PHF1: variants seen among roughly 807,000 people sequenced by gnomAD.
The protein encoded by PHF1 is PHD finger protein 1, also known as polycomb-like 1.
A neutral mutation model predicts 69.4 loss-of-function variants in PHF1; 16 were observed. The observed-to-expected ratio is 0.23, with a 90% confidence interval of 0.16 to 0.35. PHF1 has a LOEUF of 0.35. Ranked by LOEUF, PHF1 falls within the 10% of genes least tolerant of loss-of-function variation. PHF1 has a pLI of 1.00. For missense variants in PHF1, 515 were observed against 732.8 expected, an observed-to-expected ratio of 0.70 and a Z score of 3.43; for synonymous variants, 274 against 275.0, an observed-to-expected ratio of 1.00 and a Z score of 0.04.
At chr6:33,415,461 C>G in intron 13 of PHF1, 129 bp from the exon 14 acceptor site, 9 of 1,232,406 alleles carry the variant, frequency 7.3e-6, no homozygotes, top group Non-Finnish European at 1.1e-5. Context: ...ACTTCTAGAA[C>G]TAGTGTCTGG....
chr6:33,413,995 C>G, intron 7 of PHF1, 46 bp from the exon 8 acceptor site: 2 of 1,610,176 alleles, frequency 1.2e-6, no homozygotes, highest in Non-Finnish European at 1.7e-6. Flanking sequence ...GGGGATGGCA[C>G]AGTTTTCCTG....
Position 33,416,412 on chromosome 6 carries a change from A to G in PHF1, c.*314A>G, listed in dbSNP as rs761736632. ...GATGATAAGGGATCCCGGACTCTGT[A>G]TGATTGAAATAAAGAGAAATAAACA... is the stretch of plus-strand genomic sequence containing the variant. On this transcript the variant is annotated 3_prime_UTR_variant, in exon 15 of 15. Transcript: ENST00000374516. 3.7e-6 allele frequency: 2 copies of G among 543,816 alleles called. No individual in the cohort carries two copies. The highest frequency in any genetic ancestry group is 3.3e-5 in the Admixed American group (1 of 30,358). 33.7% of individuals were successfully genotyped at this position (543,816 alleles called of 1,614,324 possible). A position where few individuals can be genotyped will look rare whatever the true frequency, so the allele number is the denominator to read the frequency against.
rs999961773 is a variant in PHF1, at chr6:33,414,191, C to T, written c.753-52C>T. ...TATGCCCCAACCTCCCACCTCAGGA[C>T]TCCCCTGGCTCTTAAAATGCCTCTG... is the stretch of plus-strand genomic sequence containing the variant. On this transcript the variant is annotated intron_variant, in intron 8 of 14. Coordinates refer to ENST00000374516, the MANE Select transcript of PHF1 (RefSeq NM_024165.3). The surrounding 1 kb of genome is among the most constrained non-coding windows in gnomAD (Gnocchi z 5.0). 2.3e-5 allele frequency: 37 copies of T among 1,613,804 alleles called. No homozygotes were observed. Among genetic ancestry groups the T allele is most frequent in the Non-Finnish European group, 3.1e-5 (36 of 1,179,826 alleles).
rs1776255530 is a variant in PHF1, at chr6:33,413,907, C to T, written c.683+76C>T. On this transcript the variant is annotated intron_variant, in intron 7 of 14. Transcript: ENST00000374516. Reference sequence around the variant, plus strand: ...GTTCCACCCTCAGTTCTCCCACGCCCTTCTCCACTCCAGTCTCTTCCCAAC... The same window carrying T: ...GTTCCACCCTCAGTTCTCCCACGCCTTTCTCCACTCCAGTCTCTTCCCAAC... 4 of 1,525,414 alleles carry T rather than the reference C, an allele frequency of 2.6e-6. No individual in the cohort carries two copies. In the East Asian group the frequency reaches 9.0e-5, roughly 34 times the overall value. 94.5% of individuals were successfully genotyped at this position (1,525,414 alleles called of 1,614,324 possible). A position where few individuals can be genotyped will look rare whatever the true frequency, so the allele number is the denominator to read the frequency against.
Position 33,412,479 on chromosome 6 carries a change from A to G in PHF1, c.160-29A>G. On this transcript the variant is annotated intron_variant, in intron 2 of 14. Transcript: ENST00000374516. This position sits in a 1 kb window ranked among gnomAD's most constrained non-coding sequence, Gnocchi z 4.2. ...GTTCCCTTATCTAATTCTGGTTCCCATTTCATCCTGTTTGCTCACCCATTC... is the reference window on the plus strand; with the variant it reads ...GTTCCCTTATCTAATTCTGGTTCCCGTTTCATCCTGTTTGCTCACCCATTC... 2 of 1,614,152 alleles carry G rather than the reference A, an allele frequency of 1.2e-6. No homozygotes were observed. Among genetic ancestry groups the G allele is most frequent in the South Asian group, 2.2e-5 (2 of 91,090 alleles).
At chr6:33,410,827 C>T (rs1277521220), upstream of PHF1, 1 of 152,172 alleles carries the variant, frequency 6.6e-6, no homozygotes, top group Non-Finnish European at 1.5e-5. Context: ...GGGTCCGACT[C>T]TTCGCTCCCC....
Position 33,415,650 on chromosome 6 carries a change from G to C in PHF1, c.1395G>C (p.Gly465=), listed in dbSNP as rs141011458. ...HPSASTAGTS[G]DSGPPDRSPL... ...CTGCCAGCACCGCAGGGACCTCTGG[G>C]GACAGTGGACCCCCAGACAGGTGAG... The change falls in exon 14 of 15, where the codon GGG becomes GGC. Residue 465 remains glycine (G), a synonymous_variant. Transcript: ENST00000374516. 70 of 1,613,874 alleles carry C rather than the reference G, an allele frequency of 4.3e-5. 1 individual carries two copies. In the African/African-American group the frequency reaches 9.0e-4, roughly 21 times the overall value.
intron 1 of PHF1, among the ~76,000 whole-genome samples, 187 bp downstream of exon 1, chr6:33,411,402 G>A (rs1215875107): frequency 6.6e-6 from 1 of 152,118 alleles, no homozygotes; most frequent in Non-Finnish European, 1.5e-5. Context: ...GGCACTCAGA[G>A]AAGTTGTCTA....
intron 7 of PHF1, 40 bp downstream of exon 7, chr6:33,413,871 T>G (rs1179782664): frequency 1.3e-6 from 2 of 1,579,914 alleles, no homozygotes; most frequent in Non-Finnish European, 1.7e-6. Context: ...AAGGATGCCC[T>G]CTTTCTTCGT....
At position 33,412,529 on chromosome 6, in the gene PHF1, T is replaced by G. The variant is rs1776152949; in HGVS notation, c.181T>G (p.Cys61Gly). ...CCAGGTGGACAGTGCTAGGGAGGTG[T>G]GTCTGGTCCAGTTTGAGGATGATTC... ...IKKVDSAREV[C>G]LVQFEDDSQF... is the part of the protein sequence containing the mutation. The change falls in exon 3 of 15, where the codon TGT (cysteine) becomes GGT (glycine). Residue 61 changes from cysteine (C) to glycine (G), a missense_variant. Cys to Gly is a radical substitution (Grantham distance 159). Around this residue, in one of 5 missense-constraint regions of PHF1, gnomAD observed 22 missense variants for 48.9 expected, o/e 0.45. Coordinates refer to ENST00000374516, the MANE Select transcript of PHF1 (RefSeq NM_024165.3). The surrounding 1 kb of genome is among the most constrained non-coding windows in gnomAD (Gnocchi z 4.2). The G allele has an allele frequency of 1.9e-6, 3 of 1,614,128 alleles. No homozygotes were observed. The highest frequency in any genetic ancestry group is 8.5e-7 in the Non-Finnish European group (1 of 1,180,046).
rs754780335 is a variant in PHF1 at position 33,412,609 on chromosome 6, A to C, written c.241+20A>C. 1.9e-5 allele frequency: 31 copies of C among 1,613,642 alleles called. No individual in the cohort carries two copies. The East Asian group carries it at 6.0e-4, about 31-fold the overall frequency. On this transcript the variant is annotated intron_variant, in intron 3 of 14. Transcript: ENST00000374516. This position sits in a 1 kb window ranked among gnomAD's most constrained non-coding sequence, Gnocchi z 4.2. ...GCCCTGGTAAGACTCTAGAGACCTG[A>C]GATTGCACATCCCATGGAAAACAAA...
At position 33,413,154 on chromosome 6, in the gene PHF1, A is replaced by G. The variant is rs372745281; in HGVS notation, c.338-42A>G. On this transcript the variant is annotated intron_variant, in intron 4 of 14. Coordinates refer to ENST00000374516, the MANE Select transcript of PHF1 (RefSeq NM_024165.3). The stretch of plus-strand genomic sequence containing the variant: ...GACTATTCCTGTCCCAATACCAAGC[A>G]CACACAGGTATGCAATAAGTGGTCT... 22 of 1,509,220 alleles carry G rather than the reference A, an allele frequency of 1.5e-5. No individual in the cohort carries two copies. The Admixed American group carries it at 2.3e-4, about 16-fold the overall frequency. The allele number at this position is 1,509,220 out of a possible 1,614,324, so 93.5% of individuals were successfully genotyped here. A position where few individuals can be genotyped will look rare whatever the true frequency, so the allele number is the denominator to read the frequency against.
chr6:33,410,719 C>G (rs566086431), upstream of PHF1: 1 of 137,708 alleles, frequency 7.3e-6, no homozygotes, highest in Non-Finnish European at 1.6e-5. Context: ...GGGCGGGGGA[C>G]CAGGCCGGAG....
Position 33,413,309 on chromosome 6 carries a change from C to G in PHF1, c.438+13C>G. On this transcript the variant is annotated intron_variant, in intron 5 of 14. Coordinates refer to ENST00000374516, the MANE Select transcript of PHF1 (RefSeq NM_024165.3). ...GATCGCCACCAAGGTAAAGGCACTT[C>G]CCTGTTACCCTTCCTGTGGGAGCCT... The G allele has an allele frequency of 6.2e-7, 1 of 1,611,962 alleles. No individual in the cohort carries two copies. Among genetic ancestry groups the G allele is most frequent in the Non-Finnish European group, 8.5e-7 (1 of 1,178,704 alleles).
At position 33,412,599 on chromosome 6, in the gene PHF1, T is replaced by C; in HGVS notation, c.241+10T>C. On this transcript the variant is annotated intron_variant, in intron 3 of 14. Transcript: ENST00000374516. This position sits in a 1 kb window ranked among gnomAD's most constrained non-coding sequence, Gnocchi z 4.2. The stretch of plus-strand genomic sequence containing the variant: ...AAAGACATTAGCCCTGGTAAGACTC[T>C]AGAGACCTGAGATTGCACATCCCAT... 1 of 1,613,934 alleles carries C rather than the reference T, an allele frequency of 6.2e-7. No homozygotes were observed. The highest frequency in any genetic ancestry group is 2.2e-5 in the East Asian group (1 of 44,896).
chr6:33,414,143 C>T lies in PHF1; in HGVS notation c.752+34C>T. 1 of 1,613,888 alleles carries T rather than the reference C, an allele frequency of 6.2e-7. No homozygotes were observed. The highest frequency in any genetic ancestry group is 8.5e-7 in the Non-Finnish European group (1 of 1,179,804). Reference sequence around the variant, plus strand: ...GATTGGGCATGACCTCAGTGTAACTCCACACCACAGTATTTCACTCTATAT... The same window carrying T: ...GATTGGGCATGACCTCAGTGTAACTTCACACCACAGTATTTCACTCTATAT... On this transcript the variant is annotated intron_variant, in intron 8 of 14. Transcript: ENST00000374516. This position sits in a 1 kb window ranked among gnomAD's most constrained non-coding sequence, Gnocchi z 5.0.
chr6:33,413,142 C>T (rs1346189194), intron 4 of PHF1, 54 bp from the exon 5 acceptor site: 14 of 1,432,000 alleles, frequency 9.8e-6, no homozygotes, highest in African/African-American at 2.8e-5. Context: ...TATTCCTGTC[C>T]CAATACCAAG....
At position 33,412,288 on chromosome 6, in the gene PHF1, C is replaced by G. The variant is rs749684955; in HGVS notation, c.25C>G (p.Arg9Gly). The change falls in exon 2 of 15, where the codon CGC (arginine) becomes GGC (glycine). Residue 9 changes from arginine (R) to glycine (G), a missense_variant. Arg to Gly is a moderately radical substitution (Grantham distance 125). Around this residue, in one of 5 missense-constraint regions of PHF1, gnomAD observed 52 missense variants for 48.2 expected, o/e 1.08. Coordinates refer to ENST00000374516, the MANE Select transcript of PHF1 (RefSeq NM_024165.3). This position sits in a 1 kb window ranked among gnomAD's most constrained non-coding sequence, Gnocchi z 4.2. MAQPPRLS[R>G]SGASSLWDPA... ...AATGGCGCAGCCCCCCCGGCTGAGC[C>G]GCTCTGGTGCCTCCTCACTTTGGGA... 4.3e-6 allele frequency: 7 copies of G among 1,613,884 alleles called. No individual in the cohort carries two copies. In the Admixed American group the frequency reaches 1.0e-4, roughly 23 times the overall value.
At chr6:33,413,909 TCTC>T (rs1468691543) in intron 7 of PHF1, 78 bp downstream of exon 7, 2 of 1,526,490 alleles carry the variant, frequency 1.3e-6, no homozygotes, top group Non-Finnish European at 1.8e-6. Flanking sequence ...CCCACGCCCT[TCTC>T]CACTCCAGTC....
Sources: allele counts gnomAD v4.1 joint callset (sites outside exome capture counted in the v4.1 genomes callset), GRCh38; gene constraint gnomAD v4.1.1; regional missense constraint gnomAD v4.1.1; non-coding constraint Gnocchi (gnomAD v3.1); transcripts MANE v1.5; gene names NCBI Gene and HGNC (gene_info 2026-07-23, HGNC 2026-07-21).